SEMA6D: variants seen among roughly 807,000 people sequenced by gnomAD.
SEMA6D encodes semaphorin-6D.
SEMA6D carries 35 observed loss-of-function variants against 106.6 expected under a neutral mutation model. That is an observed-to-expected ratio of 0.33 (90% CI 0.25 to 0.44). SEMA6D has a LOEUF of 0.44. Among genes scored for constraint, SEMA6D ranks in the 20% least tolerant of loss-of-function variants. SEMA6D has a pLI of 1.00. For synonymous variants in SEMA6D, 499 were observed against 487.7 expected, an observed-to-expected ratio of 1.02 and a Z score of -0.31; for missense variants, 1,185 against 1,345.9, an observed-to-expected ratio of 0.88 and a Z score of 1.87.
intron 3 of SEMA6D, among the ~76,000 whole-genome samples, chr15:47,571,180 A>T (rs566067608): frequency 2.0e-4 from 30 of 151,958 alleles, no homozygotes; most frequent in Non-Finnish European, 2.6e-4. Context: ...TTCACTTCTG[A>T]TGGAGAATTA....
At chr15:47,215,348 A>G (rs1269049256) in intron 1 of SEMA6D, among the ~76,000 whole-genome samples, 1 of 152,004 alleles carries the variant, frequency 6.6e-6, no homozygotes. Flanking sequence ...GTCCACAGAT[A>G]TATTAAAGGG....
At chr15:47,296,366 T>C (rs1009810980) in intron 1 of SEMA6D, among the ~76,000 whole-genome samples, 1 of 152,182 alleles carries the variant, frequency 6.6e-6, no homozygotes, top group Non-Finnish European at 1.5e-5. Flanking sequence ...CCCTTTGCAA[T>C]AGATATTTGC....
chr15:47,474,043 A>G (rs1317531759), intron 3 of SEMA6D, among the ~76,000 whole-genome samples: 1 of 152,192 alleles, frequency 6.6e-6, no homozygotes, highest in East Asian at 1.9e-4. Context: ...TGGTATAGGA[A>G]GAAAAAAGGA....
intron 3 of SEMA6D, among the ~76,000 whole-genome samples, chr15:47,543,161 G>A (rs906414284): frequency 2.5e-4 from 38 of 152,092 alleles, no homozygotes; most frequent in Admixed American, 1.5e-3. Flanking sequence ...AACAAAAATG[G>A]TTTTCGAATA....
At chr15:47,768,523 C>T in intron 17 of SEMA6D, 58 bp from the exon 18 acceptor site, 1 of 1,376,858 alleles carries the variant, frequency 7.3e-7, no homozygotes, top group East Asian at 2.4e-5. Flanking sequence ...ATGCAACAGA[C>T]CAATCAAAAA....
Position 47,573,455 on chromosome 15 carries a change from A to G in SEMA6D, c.-86-27410A>G, listed in dbSNP as rs537164600. ...TTCCGTTGAATTAAATACTGATCTTATATTCACTCTAAAGTGGCCTTTACG... is the reference window on the plus strand; with the variant it reads ...TTCCGTTGAATTAAATACTGATCTTGTATTCACTCTAAAGTGGCCTTTACG... On this transcript the variant is annotated intron_variant, in intron 3 of 19. Transcript: ENST00000558014. Among the ~76,000 whole-genome samples the G allele has an allele frequency of 5.3e-4, 81 of 152,340 alleles. 1 individual carries two copies. The highest frequency in any genetic ancestry group is 1.6e-3 in the African/African-American group (67 of 41,580).
chr15:47,351,962 G>T (rs2038342928), intron 1 of SEMA6D, among the ~76,000 whole-genome samples: 1 of 152,066 alleles, frequency 6.6e-6, no homozygotes, highest in Non-Finnish European at 1.5e-5. Context: ...AATTAAAAGA[G>T]GATTTTAAAA....
At chr15:47,735,754 G>A (rs538549366) in intron 1 of SEMA6D, among the ~76,000 whole-genome samples, 51 of 152,142 alleles carry the variant, frequency 3.4e-4, no homozygotes, top group Non-Finnish European at 6.2e-4. Context: ...CAAGCCTGCC[G>A]TCGGCCTGAA....
intron 3 of SEMA6D, among the ~76,000 whole-genome samples, chr15:47,526,868 C>G (rs1315302052): frequency 6.6e-6 from 1 of 152,084 alleles, no homozygotes; most frequent in Admixed American, 6.6e-5. Flanking sequence ...TCCCGAGTAG[C>G]TGAGATTACA....
At chr15:47,730,659 G>C in intron 1 of SEMA6D, 1 of 1,607,282 alleles carries the variant, frequency 6.2e-7, no homozygotes, top group Non-Finnish European at 8.5e-7. Context: ...AGCTTATGCA[G>C]CTCGCTGTTT....
At chr15:47,343,609 G>T (rs1341505305) in intron 1 of SEMA6D, among the ~76,000 whole-genome samples, 1 of 152,088 alleles carries the variant, frequency 6.6e-6, no homozygotes, top group Non-Finnish European at 1.5e-5. Flanking sequence ...TGGCTGCCTA[G>T]TATTCCATGG....
At chr15:47,598,112 C>T (rs2076574060) in intron 3 of SEMA6D, among the ~76,000 whole-genome samples, 1 of 152,002 alleles carries the variant, frequency 6.6e-6, no homozygotes, top group South Asian at 2.1e-4. Flanking sequence ...TACTGTAAAG[C>T]ATCCAGGACC....
At chr15:47,413,887 C>G (rs182185761) in intron 2 of SEMA6D, among the ~76,000 whole-genome samples, 7 of 152,258 alleles carry the variant, frequency 4.6e-5, no homozygotes, top group Non-Finnish European at 2.9e-5. Context: ...CTGATTTGCT[C>G]ATTCTTGTAT....
intron 2 of SEMA6D, among the ~76,000 whole-genome samples, chr15:47,446,243 C>G (rs1032386756): frequency 1.3e-5 from 2 of 152,174 alleles, no homozygotes; most frequent in Middle Eastern, 3.4e-3. Flanking sequence ...GAAGAGATGA[C>G]GTCTTCTTAG....
chr15:47,355,686 T>C (rs2038537936), intron 1 of SEMA6D, among the ~76,000 whole-genome samples: 1 of 152,176 alleles, frequency 6.6e-6, no homozygotes, highest in South Asian at 2.1e-4. Flanking sequence ...TAAGCCACTT[T>C]GGGAAGGAAA....
At chr15:47,431,660 C>G (rs281237) in intron 2 of SEMA6D, among the ~76,000 whole-genome samples, 80,770 of 151,858 alleles carry the variant, frequency 0.53, 21,811 homozygotes, top group South Asian at 0.63. Flanking sequence ...CTAGCATGTG[C>G]ATATGAGTGA....
chr15:47,709,945 A>G (rs1339535571), intron 4 of SEMA6D, among the ~76,000 whole-genome samples: 1 of 152,110 alleles, frequency 6.6e-6, no homozygotes, highest in Non-Finnish European at 1.5e-5. Context: ...AACCAAGATC[A>G]TATTTAAGGA....
intron 1 of SEMA6D, among the ~76,000 whole-genome samples, chr15:47,275,719 G>T (rs796592199): frequency 6.6e-6 from 1 of 151,840 alleles, no homozygotes; most frequent in African/African-American, 2.4e-5. Context: ...TTGAATTTAG[G>T]CCAATTAGTA....
chr15:47,339,950 G>A (rs1325870352), intron 1 of SEMA6D, among the ~76,000 whole-genome samples: 1 of 152,148 alleles, frequency 6.6e-6, no homozygotes, highest in Admixed American at 6.5e-5. Context: ...ATGGGATAAG[G>A]GAGACAGAGA....
Sources: gnomAD v4.1 joint callset for allele counts (sites outside exome capture counted in the v4.1 genomes callset) on GRCh38, gnomAD v4.1.1 for gene constraint, MANE v1.5 for transcripts, NCBI Gene and HGNC (gene_info 2026-07-23, HGNC 2026-07-21) for gene names.